The following TXNRD2 variants were observed in gnomAD, a reference collection of about 807,000 sequenced individuals.
TXNRD2 encodes thioredoxin reductase 2.
A neutral mutation model predicts 70.8 loss-of-function variants in TXNRD2; 67 were observed. That is an observed-to-expected ratio of 0.95 (90% CI 0.78 to 1.16). TXNRD2 has a LOEUF of 1.16. Ranked by LOEUF, TXNRD2 falls within the 50% of genes most tolerant of loss-of-function variation. The probability of loss-of-function intolerance (pLI) is 0.00; values close to 1 mark genes in which losing one functional copy is unlikely to be tolerated. For missense variants in TXNRD2, 644 were observed against 719.9 expected, an observed-to-expected ratio of 0.89 and a Z score of 1.21; for synonymous variants, 301 against 295.8, an observed-to-expected ratio of 1.02 and a Z score of -0.18.
chr22:19,877,178 G>A lies in TXNRD2; in HGVS notation c.1502C>T (p.Ser501Phe). The change falls in exon 17 of 18, where the codon TCT (serine) becomes TTT (phenylalanine). Residue 501 changes from serine (S) to phenylalanine (F), a missense_variant. Ser to Phe is a radical substitution (Grantham distance 155). This residue lies in a region of TXNRD2 where 566 missense variants were observed against 645.0 expected (regional missense o/e 0.88). Coordinates refer to ENST00000400521, the MANE Select transcript of TXNRD2 (RefSeq NM_006440.5). ...MRTVGIHPTC[S>F]EEVVKLRISK... ...GATGCGCAGCTTGACTACCTCCTCAGAGCATGTGGGATGGATACCCACGGT... is the reference window on the plus strand; with the variant it reads ...GATGCGCAGCTTGACTACCTCCTCAAAGCATGTGGGATGGATACCCACGGT... 1 of 1,611,790 alleles carries A rather than the reference G, an allele frequency of 6.2e-7. No homozygotes were observed. Among genetic ancestry groups the A allele is most frequent in the Non-Finnish European group, 8.5e-7 (1 of 1,178,818 alleles).
intron 2 of TXNRD2, among the ~76,000 whole-genome samples, chr22:19,923,449 G>A (rs954077631): frequency 6.6e-6 from 1 of 152,146 alleles, no homozygotes; most frequent in African/African-American, 2.4e-5. Context: ...GCTCTGGGCT[G>A]TATCAGCCTT....
intron 8 of TXNRD2, among the ~76,000 whole-genome samples, chr22:19,908,735 C>G (rs1026020495): frequency 2.0e-5 from 3 of 152,158 alleles, no homozygotes; most frequent in African/African-American, 4.8e-5. Context: ...TGGGTGTCCA[C>G]TGACAGATGA....
In TXNRD2 at chr22:19,885,874, C is replaced by T. The variant is rs775794802; in HGVS notation, c.950-2413G>A. Among the ~76,000 whole-genome samples the T allele has an allele frequency of 8.5e-5, 13 of 152,118 alleles. No homozygotes were observed. The East Asian group carries it at 1.5e-3, about 18-fold the overall frequency. ...CTGACCAAACCCTGTCCCCAGGTCC[C>T]GAAGGAAATAAAGATAAATTTAAAA... On this transcript the variant is annotated intron_variant, in intron 11 of 17. Coordinates refer to ENST00000400521, the MANE Select transcript of TXNRD2 (RefSeq NM_006440.5).
At chr22:19,899,620 T>A (rs1027036128) in intron 8 of TXNRD2, among the ~76,000 whole-genome samples, 6 of 152,254 alleles carry the variant, frequency 3.9e-5, no homozygotes, top group African/African-American at 1.4e-4. Context: ...CACAGGACAC[T>A]GCGACCAGCA....
chr22:19,925,200 C>G (rs1221167488), intron 2 of TXNRD2, among the ~76,000 whole-genome samples: 2 of 151,802 alleles, frequency 1.3e-5, no homozygotes, highest in Non-Finnish European at 2.9e-5. Context: ...AGGAGAATGG[C>G]GCAAACCCGG....
chr22:19,899,813 A>T (rs1216501871), intron 8 of TXNRD2, among the ~76,000 whole-genome samples: 1 of 152,212 alleles, frequency 6.6e-6, no homozygotes, highest in Non-Finnish European at 1.5e-5. Flanking sequence ...GCATGGGTAC[A>T]TTCATTCATA....
At chr22:19,888,939 C>T (rs907279016) in intron 11 of TXNRD2, among the ~76,000 whole-genome samples, 2 of 151,390 alleles carry the variant, frequency 1.3e-5, no homozygotes, top group African/African-American at 4.9e-5. Flanking sequence ...CCCCTACCCG[C>T]AGCTATGAGC....
intron 8 of TXNRD2, among the ~76,000 whole-genome samples, chr22:19,901,544 G>A (rs1347407097): frequency 2.0e-5 from 3 of 152,192 alleles, no homozygotes; most frequent in Admixed American, 6.5e-5. Context: ...TTCACTGTAC[G>A]CCTCCCCGCA....
intron 10 of TXNRD2, 22 bp downstream of exon 10, chr22:19,898,017 G>C (rs1476800704): frequency 1.3e-6 from 2 of 1,546,738 alleles, no homozygotes; most frequent in Non-Finnish European, 1.7e-6. Context: ...ACAGGGGCGG[G>C]AGCTGGGGCC....
At chr22:19,898,991 C>T in intron 9 of TXNRD2, 58 bp downstream of exon 9, 1 of 1,601,110 alleles carries the variant, frequency 6.2e-7, no homozygotes, top group East Asian at 2.2e-5. Context: ...CAGGGAGGGA[C>T]TCAAGGGAAG....
At chr22:19,895,806 C>T (rs1939481235) in intron 10 of TXNRD2, among the ~76,000 whole-genome samples, 1 of 152,246 alleles carries the variant, frequency 6.6e-6, no homozygotes, top group Non-Finnish European at 1.5e-5. Flanking sequence ...TCAGGATTCA[C>T]TCAGCCTGTG....
intron 8 of TXNRD2, among the ~76,000 whole-genome samples, chr22:19,906,530 G>A (rs1940021564): frequency 1.3e-5 from 2 of 152,094 alleles, no homozygotes; most frequent in Non-Finnish European, 2.9e-5. Flanking sequence ...GCTGAGGCAG[G>A]AGAATTGCTT....
In TXNRD2 at chr22:19,878,099, A is replaced by G. The variant is rs756559860; in HGVS notation, c.1436T>C (p.Leu479Pro). The change falls in exon 16 of 18, where the codon CTG (leucine) becomes CCG (proline). Residue 479 changes from leucine to proline, a missense_variant. Physicochemically the swap from Leu to Pro is moderately conservative, Grantham distance 98. Transcript: ENST00000400521. ...NAGEVTQGFA[L>P]GIKCGASYAQ... ...ATTCCTCGGGACTTACTTGATCCCC[A>G]GAGCAAATCCTTGAGTAACTTCGCC... 4.3e-5 allele frequency: 70 copies of G among 1,613,356 alleles called. No individual in the cohort carries two copies. The highest frequency in any genetic ancestry group is 5.9e-5 in the Non-Finnish European group (70 of 1,179,914).
In TXNRD2 at chr22:19,895,660, G is replaced by A. The variant is rs865822199; in HGVS notation, c.775-79C>T. On this transcript the variant is annotated intron_variant, in intron 10 of 17. Transcript: ENST00000400521. ...CTCTGGCCCTGCCCTGCTCTCGAAG[G>A]CCTCAATGAAGGGCGGAGAGGGGTC... 3.9e-6 allele frequency: 6 copies of A among 1,548,934 alleles called. No homozygotes were observed. In the Middle Eastern group the frequency reaches 8.6e-4, roughly 221 times the overall value.
intron 9 of TXNRD2, 43 bp downstream of exon 9, chr22:19,899,006 G>A (rs886254510): frequency 6.2e-7 from 1 of 1,603,548 alleles, no homozygotes; most frequent in African/African-American, 1.3e-5. Context: ...GGGAAGGAGT[G>A]TCCAGTTCCC....
chr22:19,904,251 C>T (rs1047647234), intron 8 of TXNRD2, among the ~76,000 whole-genome samples: 10 of 152,248 alleles, frequency 6.6e-5, no homozygotes, highest in African/African-American at 9.6e-5. Context: ...GTTTTCTGCA[C>T]GTCTTCCTCA....
At chr22:19,889,608 T>G (rs1939178512) in intron 11 of TXNRD2, among the ~76,000 whole-genome samples, 1 of 150,578 alleles carries the variant, frequency 6.6e-6, no homozygotes, top group Admixed American at 6.6e-5. Flanking sequence ...AGACACCGTC[T>G]CAAAAACAAA....
intron 8 of TXNRD2, among the ~76,000 whole-genome samples, chr22:19,901,406 G>A (rs551623396): frequency 1.1e-3 from 168 of 152,328 alleles, no homozygotes; most frequent in Non-Finnish European, 2.0e-3. Context: ...GCATATTCCC[G>A]AGTGGGCATC....
At chr22:19,899,807 G>T (rs1311909161) in intron 8 of TXNRD2, among the ~76,000 whole-genome samples, 1 of 152,156 alleles carries the variant, frequency 6.6e-6, no homozygotes, top group Non-Finnish European at 1.5e-5. Context: ...ATACTCGCAT[G>T]GGTACATTCA....
Sources: allele counts gnomAD v4.1 joint callset (sites outside exome capture counted in the v4.1 genomes callset), GRCh38; gene constraint gnomAD v4.1.1; regional missense constraint gnomAD v4.1.1; transcripts MANE v1.5; gene names NCBI Gene and HGNC (gene_info 2026-07-23, HGNC 2026-07-21).